Variants in ALK observed in about 807,000 individuals in gnomAD.
The protein encoded by ALK is ALK receptor tyrosine kinase.
In ALK, 74 loss-of-function variants were observed where a neutral mutation model predicts 163.1. That is an observed-to-expected ratio of 0.45 (90% CI 0.38 to 0.55). The LOEUF (loss-of-function observed/expected upper bound fraction) is 0.55, where lower values mean the gene tolerates loss of function less well. Among genes scored for constraint, ALK ranks in the 20% least tolerant of loss-of-function variants. The pLI, the probability that ALK is intolerant of heterozygous loss-of-function variation, is 0.00. For missense variants in ALK, 2,063 were observed against 2,105.3 expected, an observed-to-expected ratio of 0.98 and a Z score of 0.39; for synonymous variants, 960 against 843.2, an observed-to-expected ratio of 1.14 and a Z score of -2.40.
At chr2:29,446,462 A>G (rs1192201201) in intron 4 of ALK, among the ~76,000 whole-genome samples, 1 of 152,186 alleles carries the variant, frequency 6.6e-6, no homozygotes, top group East Asian at 1.9e-4. Flanking sequence ...TTTGTCAACT[A>G]CTAGCACTAT....
chr2:29,258,497 G>A (rs1156585615), intron 11 of ALK, among the ~76,000 whole-genome samples: 1 of 152,150 alleles, frequency 6.6e-6, no homozygotes, highest in Non-Finnish European at 1.5e-5. Context: ...GAGTAATATG[G>A]TTCATGTAGA....
At chr2:29,551,745 C>T (rs113668701) in intron 3 of ALK, among the ~76,000 whole-genome samples, 10 of 152,200 alleles carry the variant, frequency 6.6e-5, no homozygotes, top group Admixed American at 2.0e-4. Context: ...TGAGAAAATT[C>T]ACCAAAATGT....
At chr2:29,518,121 T>A (rs1315736298) in intron 4 of ALK, among the ~76,000 whole-genome samples, 1 of 152,202 alleles carries the variant, frequency 6.6e-6, no homozygotes, top group African/African-American at 2.4e-5. Context: ...AGAATAGGCA[T>A]GAGGCAGTCT....
chr2:29,405,756 A>G (rs940444346), intron 4 of ALK, among the ~76,000 whole-genome samples: 7 of 152,232 alleles, frequency 4.6e-5, no homozygotes, highest in African/African-American at 1.7e-4. Context: ...ATGGAAATTT[A>G]AATACTTCTA....
intron 5 of ALK, among the ~76,000 whole-genome samples, chr2:29,347,693 T>C (rs994135684): frequency 6.6e-6 from 1 of 152,174 alleles, no homozygotes; most frequent in African/African-American, 2.4e-5. Flanking sequence ...TAGAGATGTA[T>C]TAGGTGGGGA....
intron 1 of ALK, among the ~76,000 whole-genome samples, chr2:29,792,760 C>T (rs917300746): frequency 2.6e-5 from 4 of 151,708 alleles, no homozygotes; most frequent in Admixed American, 2.0e-4. Flanking sequence ...GCTTACACTA[C>T]ACTTAGACTA....
intron 8 of ALK, among the ~76,000 whole-genome samples, chr2:29,316,928 G>A (rs985801399): frequency 6.6e-6 from 1 of 152,204 alleles, no homozygotes; most frequent in African/African-American, 2.4e-5. Context: ...GGAGTAAGCT[G>A]CTACAAATTG....
intron 2 of ALK, among the ~76,000 whole-genome samples, chr2:29,714,704 C>A (rs1260743493): frequency 6.6e-6 from 1 of 152,156 alleles, no homozygotes; most frequent in Admixed American, 6.5e-5. Flanking sequence ...AAGAACGATC[C>A]CTTCAGGCAG....
intron 4 of ALK, among the ~76,000 whole-genome samples, chr2:29,496,538 T>C (rs1049435384): frequency 1.3e-5 from 2 of 152,190 alleles, no homozygotes; most frequent in African/African-American, 4.8e-5. Flanking sequence ...TTAAACTTAG[T>C]ATATTATGAC....
At chr2:29,315,348 A>T (rs1184977099) in intron 8 of ALK, among the ~76,000 whole-genome samples, 1 of 152,094 alleles carries the variant, frequency 6.6e-6, no homozygotes, top group Non-Finnish European at 1.5e-5. Context: ...TGCCTCCATC[A>T]TGGGGGGCTC....
At chr2:29,272,023 T>TG (rs1217007732) in intron 11 of ALK, among the ~76,000 whole-genome samples, 1 of 152,216 alleles carries the variant, frequency 6.6e-6, no homozygotes, top group East Asian at 1.9e-4. Context: ...CCTTGGGCCC[T>TG]GGGGGGCCTG....
chr2:29,612,982 C>G (rs1042446266), intron 3 of ALK, among the ~76,000 whole-genome samples: 1 of 152,178 alleles, frequency 6.6e-6, no homozygotes, highest in African/African-American at 2.4e-5. Context: ...CCTCCTCTCA[C>G]TCCAGGCATA....
chr2:29,501,461 C>T (rs1672173665), intron 4 of ALK, among the ~76,000 whole-genome samples: 1 of 152,242 alleles, frequency 6.6e-6, no homozygotes, highest in Non-Finnish European at 1.5e-5. Flanking sequence ...TACTGGTTTG[C>T]TGCTCCTGCA....
chr2:29,258,618 T>C, intron 11 of ALK, among the ~76,000 whole-genome samples: 1 of 152,242 alleles, frequency 6.6e-6, no homozygotes, highest in East Asian at 1.9e-4. Context: ...TACATTATTA[T>C]GAATCCATGA....
intron 5 of ALK, among the ~76,000 whole-genome samples, chr2:29,351,636 G>A (rs1027056821): frequency 6.6e-6 from 1 of 152,186 alleles, no homozygotes; most frequent in African/African-American, 2.4e-5. Flanking sequence ...CTCAGTTTGA[G>A]AAATCTGATC....
chr2:29,202,948 A>ATG (rs1553389702), intron 26 of ALK, among the ~76,000 whole-genome samples: 1 of 152,108 alleles, frequency 6.6e-6, no homozygotes, highest in Non-Finnish European at 1.5e-5. Flanking sequence ...AGGTCACAGG[A>ATG]TGTGTGTGTG....
intron 8 of ALK, among the ~76,000 whole-genome samples, chr2:29,309,109 T>C (rs945545531): frequency 6.6e-6 from 1 of 152,040 alleles, no homozygotes; most frequent in African/African-American, 2.4e-5. Context: ...GGGAACAGGA[T>C]GATTCTAGGC....
At chr2:29,612,043 G>GCTCAGGGCCT (rs1675707515) in intron 3 of ALK, among the ~76,000 whole-genome samples, 1 of 152,126 alleles carries the variant, frequency 6.6e-6, no homozygotes, top group African/African-American at 2.4e-5. Flanking sequence ...GATCCAGACA[G>GCTCAGGGCCT]GGTGACTCGC....
chr2:29,437,788 A>G (rs1670439110), intron 4 of ALK, among the ~76,000 whole-genome samples: 2 of 152,190 alleles, frequency 1.3e-5, no homozygotes, highest in Non-Finnish European at 2.9e-5. Context: ...TTTATTCTTC[A>G]TGCTACAATT....
Sources: allele counts gnomAD v4.1 joint callset (sites outside exome capture counted in the v4.1 genomes callset), GRCh38; gene constraint gnomAD v4.1.1; transcripts MANE v1.5; gene names NCBI Gene and HGNC (gene_info 2026-07-23, HGNC 2026-07-21).